The following ADGRL2 variants were observed in gnomAD, a reference collection of about 807,000 sequenced individuals.
ADGRL2 encodes the protein calcium-independent alpha-latrotoxin receptor 2.
In ADGRL2, 44 loss-of-function variants were observed where a neutral mutation model predicts 157.4. The observed-to-expected ratio is 0.28, with a 90% CI of 0.22 to 0.36. The LOEUF is 0.36. ADGRL2 is among the 10% of genes least tolerant of loss of function. The pLI is 1.00. For missense variants in ADGRL2, 1,510 were observed against 1,768.9 expected, an observed-to-expected ratio of 0.85 and a Z score of 2.63; for synonymous variants, 585 against 624.7, an observed-to-expected ratio of 0.94 and a Z score of 0.95.
intron 1 of ADGRL2, chr1:81,427,144 C>T: frequency 8.5e-7 from 1 of 1,171,356 alleles, no homozygotes. Flanking sequence ...GTGGATCCGG[C>T]AATTTTATGG....
intron 2 of ADGRL2, among the ~76,000 whole-genome samples, chr1:81,860,984 T>C (rs1199553061): frequency 2.0e-5 from 3 of 152,052 alleles, no homozygotes; most frequent in Non-Finnish European, 4.4e-5. Context: ...CATGTCCTTA[T>C]TAATTTAGGA....
At chr1:81,372,374 C>T (rs958531704) in intron 1 of ADGRL2, among the ~76,000 whole-genome samples, 2 of 152,098 alleles carry the variant, frequency 1.3e-5, no homozygotes, top group African/African-American at 4.8e-5. Flanking sequence ...AATAATTGCA[C>T]ATTATGTAAG....
intron 3 of ADGRL2, among the ~76,000 whole-genome samples, chr1:81,604,098 G>C (rs1272571642): frequency 6.6e-6 from 1 of 151,838 alleles, no homozygotes; most frequent in African/African-American, 2.4e-5. Context: ...TGAATAGCTG[G>C]GATTACAGGC....
chr1:81,411,757 G>A lies in ADGRL2; in HGVS notation c.-301-33279G>A, dbSNP rs1296360069. Among the ~76,000 whole-genome samples, 2 of 151,976 alleles carry A rather than the reference G, an allele frequency of 1.3e-5. 1 individual carries two copies. The highest frequency in any genetic ancestry group is 4.2e-4 in the South Asian group (2 of 4,814). On this transcript the variant is annotated intron_variant, in intron 1 of 24. Transcript: ENST00000370721. ...TAGCTGGGCACAGTGGCGGGCGCCTGTAGTCCCAGCTACTCGGGAAGCTGA... is the reference window on the plus strand; with the variant it reads ...TAGCTGGGCACAGTGGCGGGCGCCTATAGTCCCAGCTACTCGGGAAGCTGA...
intron 10 of ADGRL2, among the ~76,000 whole-genome samples, chr1:81,955,584 G>A (rs1454689754): frequency 6.6e-6 from 1 of 152,118 alleles, no homozygotes; most frequent in Non-Finnish European, 1.5e-5. Context: ...GACACAGGTG[G>A]TTGTCAACTA....
intron 2 of ADGRL2, among the ~76,000 whole-genome samples, chr1:81,883,008 T>C (rs981939475): frequency 1.3e-5 from 2 of 152,190 alleles, no homozygotes; most frequent in African/African-American, 2.4e-5. Context: ...TACTTAATTA[T>C]GTCTTTTCTT....
intron 2 of ADGRL2, among the ~76,000 whole-genome samples, chr1:81,478,579 T>C (rs2078320278): frequency 6.6e-6 from 1 of 152,224 alleles, no homozygotes; most frequent in Non-Finnish European, 1.5e-5. Flanking sequence ...TTCAAGTCGC[T>C]GGTGTTTAAG....
At position 81,990,790 on chromosome 1, in the gene ADGRL2, A is replaced by C. The variant is rs1470354879; in HGVS notation, c.4055A>C (p.Lys1352Thr). 6.2e-7 allele frequency: 1 copy of C among 1,613,974 alleles called. No homozygotes were observed. The highest frequency in any genetic ancestry group is 8.5e-7 in the Non-Finnish European group (1 of 1,180,014). The change falls in exon 24 of 24, where the codon AAA becomes ACA. Residue 1352 changes from lysine (K) to threonine (T), a missense_variant. Lys to Thr is a moderately conservative substitution (Grantham distance 78). Transcript: ENST00000686636. ...TCCCTTCTGTACCAACCCCAGAAGA[A>C]AGTGAAGTCCGAGGGAACTGACAGC... Reference protein sequence around the residue: ...THSLLYQPQKKVKSEGTDSYV... With the variant: ...THSLLYQPQKTVKSEGTDSYV...
chr1:81,953,072 C>T, intron 10 of ADGRL2, 47 bp downstream of exon 10: 2 of 1,494,878 alleles, frequency 1.3e-6, no homozygotes, highest in Non-Finnish European at 1.9e-6. Flanking sequence ...CTTCAGCTAC[C>T]TGCCACGCTT....
intron 2 of ADGRL2, among the ~76,000 whole-genome samples, chr1:81,896,447 T>A (rs2094390381): frequency 6.6e-6 from 1 of 152,200 alleles, no homozygotes; most frequent in Non-Finnish European, 1.5e-5. Flanking sequence ...TCCCACTGAT[T>A]AGGGGACTCT....
At chr1:81,784,653 G>T (rs1461934455) in intron 2 of ADGRL2, among the ~76,000 whole-genome samples, 1 of 151,434 alleles carries the variant, frequency 6.6e-6, no homozygotes, top group East Asian at 1.9e-4. Context: ...ACTTGAACCT[G>T]GGAGGTGCAG....
intron 2 of ADGRL2, among the ~76,000 whole-genome samples, chr1:81,868,632 G>A (rs2093613352): frequency 6.6e-6 from 1 of 151,812 alleles, no homozygotes; most frequent in African/African-American, 2.4e-5. Flanking sequence ...TTCTTTTTTA[G>A]AACGACATGT....
intron 1 of ADGRL2, among the ~76,000 whole-genome samples, chr1:81,416,134 G>A (rs2077029564): frequency 6.6e-6 from 1 of 152,086 alleles, no homozygotes; most frequent in Non-Finnish European, 1.5e-5. Flanking sequence ...ACAGGCGTGA[G>A]CCACTGTGCC....
intron 2 of ADGRL2, among the ~76,000 whole-genome samples, chr1:81,446,586 C>T (rs2077601269): frequency 6.6e-6 from 1 of 152,200 alleles, no homozygotes; most frequent in Admixed American, 6.5e-5. Flanking sequence ...ATTCTACCAT[C>T]CCCTAATTTT....
At chr1:81,653,759 GA>G (rs1553135583) in intron 3 of ADGRL2, among the ~76,000 whole-genome samples, 1 of 152,040 alleles carries the variant, frequency 6.6e-6, no homozygotes, top group Non-Finnish European at 1.5e-5. Context: ...GATGTTCTGA[GA>G]AAAAAAGTTT....
intron 4 of ADGRL2, among the ~76,000 whole-genome samples, chr1:81,938,547 C>T (rs2095342529): frequency 6.6e-6 from 1 of 151,692 alleles, no homozygotes; most frequent in South Asian, 2.1e-4. Flanking sequence ...AATAGCTATA[C>T]TCAGAGAAGT....
chr1:81,580,538 G>A (rs952172498), intron 2 of ADGRL2, among the ~76,000 whole-genome samples: 2 of 152,142 alleles, frequency 1.3e-5, no homozygotes, highest in Non-Finnish European at 2.9e-5. Flanking sequence ...GGTATGAAAG[G>A]TCAGGAGTGC....
intron 1 of ADGRL2, among the ~76,000 whole-genome samples, chr1:81,714,630 A>G (rs1360917924): frequency 6.6e-6 from 1 of 152,238 alleles, no homozygotes; most frequent in Non-Finnish European, 1.5e-5. Flanking sequence ...GAAGATTTAG[A>G]AAACCCTGAT....
chr1:81,710,119 A>C (rs116303299), intron 1 of ADGRL2, among the ~76,000 whole-genome samples: 350 of 152,320 alleles, frequency 2.3e-3, no homozygotes, highest in African/African-American at 7.9e-3. Context: ...ATTGCATATC[A>C]AGATATTTTC....
Sources: gnomAD v4.1 joint callset for allele counts (sites outside exome capture counted in the v4.1 genomes callset) on GRCh38, gnomAD v4.1.1 for gene constraint, MANE v1.5 for transcripts, NCBI Gene and HGNC (gene_info 2026-07-23, HGNC 2026-07-21) for gene names.